MDFIC2: variants seen among roughly 807,000 people sequenced by gnomAD.
The protein encoded by MDFIC2 is MyoD family inhibitor domain containing 2, also known as myoD family inhibitor domain-containing protein 2.
chr3:70,257,960 C>T (rs1026314005), intron 2 of MDFIC2, among the ~76,000 whole-genome samples: 52 of 151,936 alleles, frequency 3.4e-4, no homozygotes, highest in African/African-American at 1.0e-3. Context: ...ATGAAGAGTT[C>T]GGAAATAAAG....
At chr3:70,280,349 G>A (rs1170435038) in intron 2 of MDFIC2, among the ~76,000 whole-genome samples, 2 of 152,012 alleles carry the variant, frequency 1.3e-5, no homozygotes, top group East Asian at 1.9e-4. Flanking sequence ...TCCTTAAGAG[G>A]TAATATGTAC....
chr3:70,274,326 G>A (rs1230806824), intron 2 of MDFIC2, among the ~76,000 whole-genome samples: 1 of 151,958 alleles, frequency 6.6e-6, no homozygotes, highest in Admixed American at 6.6e-5. Context: ...AATGAAACAA[G>A]GTTGAGAATC....
At chr3:70,268,290 G>C (rs1392638215) in intron 2 of MDFIC2, among the ~76,000 whole-genome samples, 1 of 151,978 alleles carries the variant, frequency 6.6e-6, no homozygotes, top group African/African-American at 2.4e-5. Flanking sequence ...GGACAGCACG[G>C]AGAAACACCC....
rs933071553 is a variant in MDFIC2, at chr3:70,196,698, A to G, written c.*228T>C. On this transcript the variant is annotated 3_prime_UTR_variant, in exon 4 of 4. Transcript: ENST00000567252. ...GAGGTATTTAAGATTTGTTCATCAC[A>G]TGTGATCAAGAATCTTATTTTTCAG... Among the ~76,000 whole-genome samples, 5 of 152,212 alleles carry G rather than the reference A, an allele frequency of 3.3e-5. No homozygotes were observed. The highest frequency in any genetic ancestry group is 7.3e-5 in the Non-Finnish European group (5 of 68,042).
At chr3:70,237,977 A>ATTTTTTTT (rs1251005797) in intron 2 of MDFIC2, among the ~76,000 whole-genome samples, 15 of 12,988 alleles carry the variant, frequency 1.2e-3, no homozygotes, top group African/African-American at 3.5e-3. Flanking sequence ...ATTGAGTGGT[A>ATTTTTTTT]TCTTTTTTTT....
chr3:70,303,949 C>T (rs1248143386), intron 2 of MDFIC2, among the ~76,000 whole-genome samples: 2 of 152,172 alleles, frequency 1.3e-5, no homozygotes, highest in Non-Finnish European at 2.9e-5. Flanking sequence ...TCTCAAGGTG[C>T]TGGAATTACA....
intron 2 of MDFIC2, among the ~76,000 whole-genome samples, chr3:70,291,661 G>A (rs1357234980): frequency 6.6e-6 from 1 of 152,182 alleles, no homozygotes; most frequent in African/African-American, 2.4e-5. Flanking sequence ...ACTCATAACA[G>A]ATTTGCTAGC....
chr3:70,252,082 C>A (rs1405368279), intron 2 of MDFIC2, among the ~76,000 whole-genome samples: 1 of 152,166 alleles, frequency 6.6e-6, no homozygotes, highest in East Asian at 1.9e-4. Flanking sequence ...TCTTTCAATT[C>A]TAAGCTAGCT....
intron 2 of MDFIC2, among the ~76,000 whole-genome samples, chr3:70,280,627 T>C (rs1702072766): frequency 6.6e-6 from 1 of 152,132 alleles, no homozygotes; most frequent in African/African-American, 2.4e-5. Context: ...TTCTCTGTCC[T>C]CCTTTCTCTC....
intron 2 of MDFIC2, among the ~76,000 whole-genome samples, chr3:70,234,791 T>G (rs568431542): frequency 6.6e-6 from 1 of 152,354 alleles, no homozygotes; most frequent in South Asian, 2.1e-4. Flanking sequence ...TTGCTTCGTT[T>G]TAAGCAAATT....
At chr3:70,311,337 T>C (rs1702451735) in intron 2 of MDFIC2, among the ~76,000 whole-genome samples, 2 of 152,186 alleles carry the variant, frequency 1.3e-5, no homozygotes, top group South Asian at 4.1e-4. Flanking sequence ...TTTTCAAAAG[T>C]GCGCAAATCT....
intron 2 of MDFIC2, among the ~76,000 whole-genome samples, chr3:70,241,724 C>G (rs1261005380): frequency 6.6e-6 from 1 of 152,148 alleles, no homozygotes; most frequent in African/African-American, 2.4e-5. Flanking sequence ...ATTGCGGCTA[C>G]TAAGGCGTCT....
chr3:70,215,417 C>T (rs1363676527), intron 2 of MDFIC2, among the ~76,000 whole-genome samples: 1 of 152,112 alleles, frequency 6.6e-6, no homozygotes, highest in Admixed American at 6.5e-5. Flanking sequence ...ACTTACCCCT[C>T]TCCAGGTTAA....
chr3:70,233,660 T>G (rs988618866), intron 2 of MDFIC2, among the ~76,000 whole-genome samples: 3 of 152,162 alleles, frequency 2.0e-5, no homozygotes, highest in Non-Finnish European at 4.4e-5. Context: ...ATCCCTCTAC[T>G]TCCTTCAGTA....
chr3:70,270,532 T>C (rs971345869), intron 2 of MDFIC2, among the ~76,000 whole-genome samples: 3 of 152,210 alleles, frequency 2.0e-5, no homozygotes, highest in Admixed American at 1.3e-4. Context: ...CTCAAGTATG[T>C]ATATACATGG....
In MDFIC2 at chr3:70,311,901, A is replaced by G. The variant is rs1702457153; in HGVS notation, c.73T>C (p.Ser25Pro). 1 of 397,732 alleles carries G rather than the reference A, an allele frequency of 2.5e-6. No homozygotes were observed. The highest frequency in any genetic ancestry group is 4.4e-6 in the Non-Finnish European group (1 of 225,626). The allele number at this position is 397,732 out of a possible 1,614,324, so 24.6% of individuals were successfully genotyped here. A position where few individuals can be genotyped will look rare whatever the true frequency, so the allele number is the denominator to read the frequency against. ...EHLENDKNNI[S>P]WLKEDTQLTN... ...GAAGACTTACCTTCTTTCAACCAAG[A>G]AATGTTATTTTTATCATTTTCTAAA... Residue 25 changes from serine (S) to proline (P), a missense_variant, in exon 2 of 4, where the codon TCT (serine) becomes CCT (proline). Ser to Pro is a moderately conservative substitution (Grantham distance 74, BLOSUM62 -1). Transcript: ENST00000567252.
chr3:70,305,362 T>C (rs1437037487), intron 2 of MDFIC2, among the ~76,000 whole-genome samples: 1 of 152,186 alleles, frequency 6.6e-6, no homozygotes, highest in African/African-American at 2.4e-5. Flanking sequence ...ATAATTCCAT[T>C]ACCTGTGTTT....
intron 2 of MDFIC2, among the ~76,000 whole-genome samples, chr3:70,252,904 A>AC (rs1326461095): frequency 2.0e-5 from 3 of 151,834 alleles, no homozygotes; most frequent in African/African-American, 4.8e-5. Flanking sequence ...ACATCGTGAA[A>AC]CCCCCTCTCT....
rs1349864540 is a variant in MDFIC2 at position 70,250,555 on chromosome 3, A to G, written c.89-43765T>C. The stretch of plus-strand genomic sequence containing the variant: ...TCAACTAATACTTAAAAGAAAAACC[A>G]TTAAACTATTCGGGTGGAAAAATAG... On this transcript the variant is annotated intron_variant, in intron 2 of 3. Transcript: ENST00000567252. 4.6e-5 allele frequency among the ~76,000 whole-genome samples: 7 copies of G among 152,170 alleles called. No individual in the cohort carries two copies. The South Asian group carries it at 6.2e-4, about 14-fold the overall frequency.
Sources: allele counts gnomAD v4.1 joint callset (sites outside exome capture counted in the v4.1 genomes callset), GRCh38; gene constraint gnomAD v4.1.1; transcripts MANE v1.5; gene names NCBI Gene and HGNC (gene_info 2026-07-23, HGNC 2026-07-21).